Variants in CWC22 observed in about 807,000 individuals in gnomAD.
The protein encoded by CWC22 is pre-mRNA-splicing factor CWC22 homolog.
CWC22 carries 53 observed loss-of-function variants against 117.2 expected under a neutral mutation model. That is an observed-to-expected ratio of 0.45 (90% CI 0.36 to 0.57). The LOEUF (loss-of-function observed/expected upper bound fraction) is 0.57. Among genes scored for constraint, CWC22 ranks in the 20% least tolerant of loss-of-function variants. The pLI is 0.00. For synonymous variants in CWC22, 360 were observed against 355.6 expected (o/e 1.01, Z -0.14); for missense variants, 980 against 1,068.8 (o/e 0.92, Z 1.16).
chr2:179,954,914 A>G (rs1686545134), intron 15 of CWC22, 43 bp downstream of exon 15: 1 of 1,097,970 alleles, frequency 9.1e-7, no homozygotes, highest in African/African-American at 1.6e-5. Context: ...ATTAATTTAC[A>G]ATATTCGTTT....
chr2:179,966,102 A>G (rs1410605332), intron 11 of CWC22, 120 bp from the exon 12 acceptor site: 4 of 686,372 alleles, frequency 5.8e-6, no homozygotes, highest in Admixed American at 3.0e-5. Flanking sequence ...TTGCTAGCCA[A>G]CAAAGATAAC....
Position 179,965,957 on chromosome 2 carries a change from G to C in CWC22, c.1236C>G (p.Asp412Glu). 6.2e-7 allele frequency: 1 copy of C among 1,611,700 alleles called. No homozygotes were observed. Among genetic ancestry groups the C allele is most frequent in the Non-Finnish European group, 8.5e-7 (1 of 1,178,412 alleles). Reference sequence around the variant, plus strand: ...TCCCAGCATCCTGGTCTGTGTTCGAGTCAGTATCTCCCTCATCAAGAATTT... The same window carrying C: ...TCCCAGCATCCTGGTCTGTGTTCGACTCAGTATCTCCCTCATCAAGAATTT... The part of the protein sequence containing the change: ...KKEILDEGDT[D>E]SNTDQDAGSS... Residue 412 changes from aspartate (D) to glutamate (E), a missense_variant, in exon 12 of 20, where the codon GAC becomes GAG. By Grantham distance (45) the Asp-to-Glu change is conservative. Around this residue, in one of 3 missense-constraint regions of CWC22, gnomAD observed 559 missense variants for 602.3 expected, o/e 0.93. Coordinates refer to ENST00000410053, the MANE Select transcript of CWC22 (RefSeq NM_020943.3).
chr2:179,964,544 T>C lies in CWC22; in HGVS notation c.1397+3A>G, dbSNP rs1378862336. ...AAGGATGAACTGAGATATGATGCCT[T>C]ACCTTGACTGAATAGCAAGATAAAT... On this transcript the variant is annotated splice_donor_region_variant and intron_variant, in intron 13 of 19. Transcript: ENST00000410053. 2 of 1,527,870 alleles carry C rather than the reference T, an allele frequency of 1.3e-6. No homozygotes were observed. The highest frequency in any genetic ancestry group is 1.8e-6 in the Non-Finnish European group (2 of 1,119,208). 94.6% of individuals were successfully genotyped at this position (1,527,870 alleles called of 1,614,324 possible).
At chr2:179,966,032 T>C (rs1686881578) in intron 11 of CWC22, 50 bp from the exon 12 acceptor site, 2 of 1,353,650 alleles carry the variant, frequency 1.5e-6, no homozygotes, top group Non-Finnish European at 2.1e-6. Context: ...GTCATATACA[T>C]GTATTTCATT....
At chr2:179,993,245 G>A in intron 2 of CWC22, 70 bp downstream of exon 2, 2 of 1,103,556 alleles carry the variant, frequency 1.8e-6, no homozygotes, top group East Asian at 2.6e-5. Flanking sequence ...TTACATAAAT[G>A]CATTTATATT....
In CWC22 at chr2:179,970,636, T is replaced by C. The variant is rs757033285; in HGVS notation, c.1147+14A>G. The C allele has an allele frequency of 2.5e-6, 4 of 1,608,470 alleles. No individual in the cohort carries two copies. The highest frequency in any genetic ancestry group is 3.4e-5 in the Admixed American group (2 of 59,282). The stretch of plus-strand genomic sequence containing the variant: ...TTGGTAAGCCTCTTTCCAACTAACA[T>C]GCCCCGGACTTACTAAGAACATCTT... On this transcript the variant is annotated intron_variant, in intron 10 of 19. Coordinates refer to ENST00000410053, the MANE Select transcript of CWC22 (RefSeq NM_020943.3).
At chr2:179,961,090 T>C (rs1053439205) in intron 13 of CWC22, among the ~76,000 whole-genome samples, 1 of 151,968 alleles carries the variant, frequency 6.6e-6, no homozygotes, top group African/African-American at 2.4e-5. Context: ...CTACATTTTA[T>C]AAATACCGCA....
chr2:179,965,074 C>A lies in CWC22; in HGVS notation c.1316-446G>T, dbSNP rs182053340. Among the ~76,000 whole-genome samples the A allele has an allele frequency of 2.5e-3, 363 of 147,038 alleles. 1 individual carries two copies. The highest frequency in any genetic ancestry group is 4.3e-3 in the Non-Finnish European group (288 of 66,932). On this transcript the variant is annotated intron_variant, in intron 12 of 19. Transcript: ENST00000410053. ...AAATACATATATTTGTTAAAATTTT[C>A]TCTTATTTAATGCATGAAAACTTTC... is the stretch of plus-strand genomic sequence containing the variant.
intron 6 of CWC22, among the ~76,000 whole-genome samples, chr2:179,976,903 C>T (rs1470158526): frequency 1.3e-5 from 2 of 152,140 alleles, no homozygotes; most frequent in African/African-American, 4.8e-5. Context: ...GCCTGTCATA[C>T]CAACACTTTG....
rs1386070089 is a variant in CWC22 at position 179,945,317 on chromosome 2, T to C, written c.2539A>G (p.Arg847Gly). ...THRIKDSENF[R>G]RKDRSKSKEM... Reference sequence around the variant, plus strand: ...TTTGACTTTGATCTATCTTTTCTTCTGAAATTTTCACTGTCTTTAATTCGG... The same window carrying C: ...TTTGACTTTGATCTATCTTTTCTTCCGAAATTTTCACTGTCTTTAATTCGG... The change falls in exon 20 of 20, where the codon AGA becomes GGA. Residue 847 changes from arginine (R) to glycine (G), a missense_variant. By Grantham distance (125) the Arg-to-Gly change is moderately radical (BLOSUM62 -2). Coordinates refer to ENST00000410053, the MANE Select transcript of CWC22 (RefSeq NM_020943.3). 6.2e-6 allele frequency: 10 copies of C among 1,613,396 alleles called. No individual in the cohort carries two copies. The African/African-American group carries it at 6.7e-5, about 11-fold the overall frequency.
intron 7 of CWC22, 143 bp downstream of exon 7, chr2:179,973,491 T>C (rs1333636739): frequency 3.0e-6 from 2 of 664,684 alleles, no homozygotes; most frequent in African/African-American, 1.8e-5. Flanking sequence ...ATTTAACAGA[T>C]CAAAGAAGTT....
chr2:179,949,945 A>C (rs2105506081), intron 19 of CWC22, among the ~76,000 whole-genome samples: 1 of 152,316 alleles, frequency 6.6e-6, no homozygotes, highest in South Asian at 2.1e-4. Flanking sequence ...AGGTAAAAAC[A>C]GGCACAATTA....
intron 4 of CWC22, among the ~76,000 whole-genome samples, chr2:179,984,487 A>G (rs989092552): frequency 1.3e-5 from 2 of 152,052 alleles, no homozygotes; most frequent in Non-Finnish European, 2.9e-5. Context: ...GGCTGTGGAT[A>G]TCAAAGGATG....
rs539719268 is a variant in CWC22 at position 179,950,943 on chromosome 2, TAAAC to T, written c.1818-21_1818-18del. On this transcript the variant is annotated intron_variant, in intron 17 of 19. Coordinates refer to ENST00000410053, the MANE Select transcript of CWC22 (RefSeq NM_020943.3). ...TGCAGAGTTCTAAAAAGGAAAAAAA[TAAAC>T]AAAAGAGAACACATTGCTTAAAGAT... 3.7e-5 allele frequency: 53 copies of T among 1,447,670 alleles called. No individual in the cohort carries two copies. In the African/African-American group the frequency reaches 6.4e-4, roughly 17 times the overall value. The allele number at this position is 1,447,670 out of a possible 1,614,324, so 89.7% of individuals were successfully genotyped here.
intron 19 of CWC22, among the ~76,000 whole-genome samples, chr2:179,949,901 G>A (rs1686402305): frequency 6.6e-6 from 1 of 151,982 alleles, no homozygotes; most frequent in South Asian, 2.1e-4. Context: ...AAATAAGCCA[G>A]ACATAAAAAG....
At chr2:179,988,478 A>T (rs1687475325) in intron 3 of CWC22, 99 bp downstream of exon 3, 1 of 649,908 alleles carries the variant, frequency 1.5e-6, no homozygotes, top group African/African-American at 1.9e-5. Context: ...CATTAAAAAG[A>T]AGTTATCCAC....
At chr2:180,002,729 T>C (rs1687876269) in intron 1 of CWC22, among the ~76,000 whole-genome samples, 1 of 152,166 alleles carries the variant, frequency 6.6e-6, no homozygotes, top group African/African-American at 2.4e-5. Context: ...GTCTTGAAGC[T>C]GAGTCTTAAA....
At chr2:180,005,139 G>A (rs1687940286) in intron 1 of CWC22, among the ~76,000 whole-genome samples, 1 of 152,096 alleles carries the variant, frequency 6.6e-6, no homozygotes, top group Non-Finnish European at 1.5e-5. Flanking sequence ...AGGAGATGAT[G>A]CTGCTGATTC....
At chr2:179,961,072 C>A (rs1479089233) in intron 13 of CWC22, among the ~76,000 whole-genome samples, 1 of 151,950 alleles carries the variant, frequency 6.6e-6, no homozygotes, top group African/African-American at 2.4e-5. Flanking sequence ...ATCCTAAACA[C>A]AGGGCATCTA....
Sources: allele counts gnomAD v4.1 joint callset (sites outside exome capture counted in the v4.1 genomes callset), GRCh38; gene constraint gnomAD v4.1.1; regional missense constraint gnomAD v4.1.1; transcripts MANE v1.5; gene names NCBI Gene and HGNC (gene_info 2026-07-23, HGNC 2026-07-21).